Variants in ZPBP observed in about 807,000 individuals in gnomAD.
ZPBP encodes zona pellucida binding protein, also known as zona pellucida-binding protein 1.
In ZPBP, 26 loss-of-function variants were observed where a neutral mutation model predicts 44.8. That is an observed-to-expected ratio of 0.58 (90% CI 0.43 to 0.81). The LOEUF (loss-of-function observed/expected upper bound fraction) is 0.81. ZPBP is among the 30% of genes least tolerant of loss of function. ZPBP has a pLI of 0.00. For missense variants in ZPBP, 409 were observed against 434.0 expected (o/e 0.94, Z 0.51); for synonymous variants, 174 against 153.2 (o/e 1.14, Z -1.00).
chr7:50,073,499 A>G lies in ZPBP; in HGVS notation c.334+8275T>C, dbSNP rs1335512801. Among the ~76,000 whole-genome samples the G allele has an allele frequency of 2.0e-5, 3 of 152,146 alleles. No homozygotes were observed. In the East Asian group the frequency reaches 5.8e-4, roughly 29 times the overall value. ...GGGTAGAAAGTTTATTCAAAAGGAT[A>G]ATAACAGAGAATTTCCCAAACCTAG... is the stretch of plus-strand genomic sequence containing the variant. On this transcript the variant is annotated intron_variant, in intron 3 of 7. Coordinates refer to ENST00000046087, the MANE Select transcript of ZPBP (RefSeq NM_007009.3).
intron 2 of ZPBP, among the ~76,000 whole-genome samples, chr7:49,871,946 CA>C (rs1791172442): frequency 2.5e-5 from 3 of 117,906 alleles, no homozygotes; most frequent in South Asian, 3.3e-4. Flanking sequence ...CACACACACA[CA>C]CACACACACA....
At chr7:49,971,066 C>T (rs888117946) in intron 7 of ZPBP, among the ~76,000 whole-genome samples, 1 of 151,684 alleles carries the variant, frequency 6.6e-6, no homozygotes, top group South Asian at 2.1e-4. Context: ...TGAAAACCCA[C>T]AAAAGAAACA....
intron 2 of ZPBP, among the ~76,000 whole-genome samples, chr7:49,875,536 T>C (rs1357777538): frequency 2.6e-5 from 4 of 152,076 alleles, no homozygotes; most frequent in Middle Eastern, 3.4e-3. Context: ...GGTGTGTGGC[T>C]GGAGTCCTTT....
At chr7:50,001,509 C>T (rs916456737) in intron 6 of ZPBP, among the ~76,000 whole-genome samples, 7 of 151,980 alleles carry the variant, frequency 4.6e-5, no homozygotes, top group African/African-American at 9.7e-5. Context: ...TCTGGTAATG[C>T]GAGGAACATA....
chr7:49,917,693 CTAAT>C (rs1231075001), intron 1 of ZPBP: 1 of 152,054 alleles, frequency 6.6e-6, no homozygotes, highest in Non-Finnish European at 1.5e-5. Flanking sequence ...TATTTGGTAT[CTAAT>C]TATATTAAGA....
chr7:49,997,807 C>T (rs974834497), intron 6 of ZPBP, among the ~76,000 whole-genome samples: 1 of 152,196 alleles, frequency 6.6e-6, no homozygotes, highest in African/African-American at 2.4e-5. Flanking sequence ...GAAGACTCAT[C>T]AGAATTTAGG....
At chr7:50,048,701 T>A (rs1174565803) in intron 4 of ZPBP, among the ~76,000 whole-genome samples, 1 of 151,854 alleles carries the variant, frequency 6.6e-6, no homozygotes, top group African/African-American at 2.4e-5. Context: ...TAGAGGGAAA[T>A]AATATGCCAT....
intron 2 of ZPBP, among the ~76,000 whole-genome samples, chr7:49,869,748 A>G (rs1296706950): frequency 6.6e-6 from 1 of 152,178 alleles, no homozygotes; most frequent in African/African-American, 2.4e-5. Flanking sequence ...TGTCTACACT[A>G]TGACCAGCAA....
intron 4 of ZPBP, among the ~76,000 whole-genome samples, chr7:50,045,620 C>A (rs1800315131): frequency 6.6e-6 from 1 of 152,122 alleles, no homozygotes; most frequent in African/African-American, 2.4e-5. Context: ...AGGAGAACTA[C>A]AAACCACTGC....
intron 2 of ZPBP, among the ~76,000 whole-genome samples, chr7:49,886,560 T>C (rs927853899): frequency 5.9e-5 from 9 of 152,356 alleles, no homozygotes; most frequent in East Asian, 1.9e-4. Context: ...CCCTATTCAG[T>C]TCTTTTAGAA....
chr7:50,063,563 C>A (rs77749929), intron 3 of ZPBP, among the ~76,000 whole-genome samples: 1 of 152,052 alleles, frequency 6.6e-6, no homozygotes, highest in Non-Finnish European at 1.5e-5. Context: ...AAGAACCTAC[C>A]AGTGAGGGTT....
At chr7:50,019,758 T>G (rs1446304957) in intron 5 of ZPBP, among the ~76,000 whole-genome samples, 1 of 152,118 alleles carries the variant, frequency 6.6e-6, no homozygotes, top group African/African-American at 2.4e-5. Context: ...TATGAGGTAC[T>G]ATACAATATT....
intron 1 of ZPBP, among the ~76,000 whole-genome samples, chr7:49,901,610 T>C (rs932577432): frequency 6.6e-6 from 1 of 151,800 alleles, no homozygotes; most frequent in Admixed American, 6.6e-5. Context: ...CTCAACATTA[T>C]CAAGATCTAT....
intron 2 of ZPBP, among the ~76,000 whole-genome samples, chr7:49,867,702 G>A (rs1454298381): frequency 6.6e-6 from 1 of 152,220 alleles, no homozygotes; most frequent in African/African-American, 2.4e-5. Flanking sequence ...AGGCTCACCT[G>A]TCAGTCAGCC....
At chr7:49,947,719 C>T (rs960975769) in intron 7 of ZPBP, among the ~76,000 whole-genome samples, 5 of 152,210 alleles carry the variant, frequency 3.3e-5, no homozygotes, top group African/African-American at 4.8e-5. Context: ...CTAACTACCG[C>T]TTATGTTCAC....
intron 1 of ZPBP, chr7:49,915,540 G>C (rs767654804): frequency 2.0e-5 from 3 of 152,126 alleles, no homozygotes; most frequent in Non-Finnish European, 4.4e-5. Context: ...ATAAAATTCA[G>C]ATGTTTAATT....
intron 3 of ZPBP, among the ~76,000 whole-genome samples, chr7:50,059,788 A>C (rs950044015): frequency 1.6e-4 from 24 of 152,170 alleles, no homozygotes; most frequent in African/African-American, 5.8e-4. Context: ...ACAGCCAGAA[A>C]ATGTAGTAGT....
intron 2 of ZPBP, among the ~76,000 whole-genome samples, chr7:49,875,369 CAAAAAAAA>C (rs71018432): frequency 6.8e-4 from 13 of 19,010 alleles, no homozygotes; most frequent in African/African-American, 1.6e-3. Flanking sequence ...GATTCTGACT[CAAAAAAAA>C]AAAAAAAAAA....
At chr7:49,922,267 T>A (rs6583399) in intron 1 of ZPBP, among the ~76,000 whole-genome samples, 118,333 of 152,134 alleles carry the variant, frequency 0.78, 46,187 homozygotes, top group East Asian at 0.89. Context: ...TTATGAAACC[T>A]CATATCGAGA....
Sources: gnomAD v4.1 joint callset for allele counts (sites outside exome capture counted in the v4.1 genomes callset) on GRCh38, gnomAD v4.1.1 for gene constraint, MANE v1.5 for transcripts, NCBI Gene and HGNC (gene_info 2026-07-23, HGNC 2026-07-21) for gene names.